The following SLC36A1 variants were observed in gnomAD, a reference collection of about 807,000 sequenced individuals.
The protein encoded by SLC36A1 is solute carrier family 36 member 1, also known as proton-coupled amino acid transporter 1.
Under a neutral mutation model 47.5 loss-of-function variants are expected in SLC36A1, and 30 were observed. The ratio of observed to expected loss-of-function variants is 0.63; its 90% CI spans 0.47 to 0.86. The LOEUF (loss-of-function observed/expected upper bound fraction) is 0.86, where lower values mean the gene tolerates loss of function less well. SLC36A1 is among the 40% of genes least tolerant of loss of function. The pLI, the probability that SLC36A1 is intolerant of heterozygous loss-of-function variation, is 0.00. For missense variants in SLC36A1, 517 were observed against 606.0 expected, an observed-to-expected ratio of 0.85 and a Z score of 1.54; for synonymous variants, 255 against 249.7, an observed-to-expected ratio of 1.02 and a Z score of -0.20.
chr5:151,490,939 T>C lies in SLC36A1; in HGVS notation c.*2685T>C, dbSNP rs959632369. 1 of 152,116 alleles carries C rather than the reference T, an allele frequency of 6.6e-6. No homozygotes were observed. Among genetic ancestry groups the C allele is most frequent in the Non-Finnish European group, 1.5e-5 (1 of 68,088 alleles). The allele number at this position is 152,116 out of a possible 1,614,324, so 9.4% of individuals were successfully genotyped here. On this transcript the variant is annotated 3_prime_UTR_variant, in exon 11 of 11. Transcript: ENST00000243389. ...CTCCCCAGTGTCTTCCCAGGATAAG[T>C]AGAAATATGATCACAGAGCAACGGA... is the stretch of plus-strand genomic sequence containing the variant.
the SLC36A1 span, chr5:151,347,352 A>G: frequency 6.2e-7 from 1 of 1,614,244 alleles, no homozygotes; most frequent in South Asian, 1.1e-5. Context: ...TCATCCAAGA[A>G]TGTAGAGTCC....
At position 151,487,444 on chromosome 5, in the gene SLC36A1, G is replaced by T. The variant is rs145861097; in HGVS notation, c.1160-539G>T. Among the ~76,000 whole-genome samples the T allele has an allele frequency of 5.3e-3, 814 of 152,358 alleles. 3 individuals carry two copies. The highest frequency in any genetic ancestry group is 9.8e-3 in the Non-Finnish European group (666 of 68,038). Reference sequence around the variant, plus strand: ...GGGCTTCGCCAGGGGTCAGCCTGCAGATAGAACTGCTTTTTTTCACCTGTA... The same window carrying T: ...GGGCTTCGCCAGGGGTCAGCCTGCATATAGAACTGCTTTTTTTCACCTGTA... On this transcript the variant is annotated intron_variant, in intron 10 of 10. Transcript: ENST00000243389.
the SLC36A1 span, chr5:151,532,102 G>A: frequency 8.5e-7 from 1 of 1,169,832 alleles, no homozygotes; most frequent in Non-Finnish European, 1.2e-6. Flanking sequence ...TTGGGTATAT[G>A]AAGAGTGAGG....
At chr5:151,526,058 T>G in the SLC36A1 span, 1 of 1,211,082 alleles carries the variant, frequency 8.3e-7, no homozygotes, top group Admixed American at 2.0e-5. Context: ...GAATGAGTCC[T>G]CAGCACTCTG....
Position 151,465,086 on chromosome 5 carries a change from C to T in SLC36A1, c.336C>T (p.Ser112=). Residue 112 remains serine (S), a synonymous_variant, in exon 5 of 11, where the codon TCC becomes TCT. Coordinates refer to ENST00000243389, the MANE Select transcript of SLC36A1 (RefSeq NM_078483.4). ...CCTACTCTTCCAGGCTGAATAAATC[C>T]TTTGTGGATTATGGTGATACTGTGA... ...AHHFCRRLNK[S]FVDYGDTVMY... The T allele has an allele frequency of 6.2e-7, 1 of 1,613,758 alleles. No homozygotes were observed.
the SLC36A1 span, chr5:151,553,102 T>A: frequency 1.4e-5 from 21 of 1,455,004 alleles, no homozygotes; most frequent in Non-Finnish European, 1.9e-5. Context: ...TCAGAAGGAC[T>A]GTAGCAGGAA....
chr5:151,379,963 A>G, the SLC36A1 span, among the ~76,000 whole-genome samples: 1 of 149,882 alleles, frequency 6.7e-6, no homozygotes, highest in Non-Finnish European at 1.5e-5. Context: ...CTAAACTCTG[A>G]TGTCAAGCAA....
chr5:151,506,562 C>T, the SLC36A1 span, among the ~76,000 whole-genome samples: 1 of 152,224 alleles, frequency 6.6e-6, no homozygotes, highest in Non-Finnish European at 1.5e-5. Flanking sequence ...GGTCCTAGCC[C>T]TGCCTCTGCT....
the SLC36A1 span, among the ~76,000 whole-genome samples, chr5:151,356,670 A>G: frequency 6.6e-5 from 10 of 152,288 alleles, no homozygotes; most frequent in Admixed American, 3.9e-4. Flanking sequence ...CTCAAAGACA[A>G]GGAAGCAGTT....
the SLC36A1 span, among the ~76,000 whole-genome samples, chr5:151,497,686 C>G: frequency 6.6e-6 from 1 of 152,210 alleles, no homozygotes; most frequent in East Asian, 1.9e-4. Flanking sequence ...CTCACTATTA[C>G]TGCCATTTGG....
chr5:151,447,463 T>C (rs1028982798), upstream of SLC36A1: 3 of 152,280 alleles, frequency 2.0e-5, no homozygotes, highest in Non-Finnish European at 2.9e-5. Flanking sequence ...CCCAGGAACA[T>C]AGTCCTTCCA....
the SLC36A1 span, among the ~76,000 whole-genome samples, chr5:151,499,214 C>T: frequency 6.6e-6 from 1 of 152,194 alleles, no homozygotes; most frequent in Non-Finnish European, 1.5e-5. Context: ...TGTCTTTTTG[C>T]AGCTGGATGC....
chr5:151,438,118 A>G (rs1029877692), intron 1 of SLC36A1, among the ~76,000 whole-genome samples: 31 of 152,152 alleles, frequency 2.0e-4, no homozygotes, highest in Admixed American at 1.7e-3. Context: ...TTTGCTATCT[A>G]AGGTAACAAG....
the SLC36A1 span, among the ~76,000 whole-genome samples, chr5:151,550,399 C>T: frequency 1.3e-5 from 2 of 152,124 alleles, no homozygotes; most frequent in Non-Finnish European, 2.9e-5. Flanking sequence ...CCTTGGCAGC[C>T]GTCCCATCTC....
chr5:151,401,764 T>C, the SLC36A1 span, among the ~76,000 whole-genome samples: 1 of 152,186 alleles, frequency 6.6e-6, no homozygotes, highest in Non-Finnish European at 1.5e-5. Context: ...TATTTTATTC[T>C]TTTTGTGGCT....
the SLC36A1 span, among the ~76,000 whole-genome samples, chr5:151,372,438 C>A: frequency 6.6e-6 from 1 of 151,734 alleles, no homozygotes. Context: ...ACAAATAATT[C>A]ATTAAAAATT....
chr5:151,443,206 AC>A (rs1752721487), upstream of SLC36A1, among the ~76,000 whole-genome samples: 4 of 151,778 alleles, frequency 2.6e-5, no homozygotes, highest in South Asian at 8.3e-4. Context: ...TTCTTTAGAA[AC>A]CTTTATACTG....
At chr5:151,352,921 C>G in the SLC36A1 span, among the ~76,000 whole-genome samples, 1 of 152,246 alleles carries the variant, frequency 6.6e-6, no homozygotes, top group East Asian at 1.9e-4. Flanking sequence ...CAAGGGCTGT[C>G]CAGATTCTTC....
chr5:151,552,935 G>T, the SLC36A1 span, among the ~76,000 whole-genome samples: 1 of 152,214 alleles, frequency 6.6e-6, no homozygotes. Flanking sequence ...CTGAGGCACT[G>T]CCAACTCTGG....
Sources: gnomAD v4.1 joint callset for allele counts (sites outside exome capture counted in the v4.1 genomes callset) on GRCh38, gnomAD v4.1.1 for gene constraint, MANE v1.5 for transcripts, NCBI Gene and HGNC (gene_info 2026-07-23, HGNC 2026-07-21) for gene names.